Variants in ANKRD55 observed in about 807,000 individuals in gnomAD.
ANKRD55 encodes ankyrin repeat domain 55.
ANKRD55 carries 41 observed loss-of-function variants against 60.6 expected under a neutral mutation model. The observed-to-expected ratio is 0.68, with a 90% CI of 0.53 to 0.88. ANKRD55 has a LOEUF of 0.88. Among genes scored for constraint, ANKRD55 ranks in the 40% least tolerant of loss-of-function variants. The probability of loss-of-function intolerance (pLI) is 0.00; values close to 1 mark genes in which losing one functional copy is unlikely to be tolerated. For synonymous variants in ANKRD55, 264 were observed against 290.3 expected, an observed-to-expected ratio of 0.91 and a Z score of 0.92; for missense variants, 732 against 767.6, an observed-to-expected ratio of 0.95 and a Z score of 0.55.
intron 2 of ANKRD55, among the ~76,000 whole-genome samples, chr5:56,207,039 G>A (rs553496390): frequency 6.6e-6 from 1 of 152,224 alleles, no homozygotes; most frequent in African/African-American, 2.4e-5. Flanking sequence ...TGCTGTGTGA[G>A]TTTGGCTAAC....
intron 5 of ANKRD55, among the ~76,000 whole-genome samples, chr5:56,164,378 T>G (rs141812793): frequency 1.7e-3 from 260 of 152,222 alleles, no homozygotes; most frequent in African/African-American, 6.2e-3. Flanking sequence ...CTGCCTGTAT[T>G]AGAGTGTGCT....
chr5:56,145,888 T>C (rs1757883709), intron 6 of ANKRD55, among the ~76,000 whole-genome samples: 2 of 152,234 alleles, frequency 1.3e-5, no homozygotes, highest in South Asian at 2.1e-4. Context: ...CAATGGAACT[T>C]CTTATTCTTA....
At chr5:56,124,294 T>C (rs977407684) in intron 8 of ANKRD55, among the ~76,000 whole-genome samples, 1 of 152,160 alleles carries the variant, frequency 6.6e-6, no homozygotes, top group Non-Finnish European at 1.5e-5. Flanking sequence ...CATAGACTTA[T>C]GATGTGTTTT....
rs115073475 is a variant in ANKRD55, at chr5:56,138,028, C to T, written c.612+5773G>A. Reference sequence around the variant, plus strand: ...AATCCAGAACACTGACAATACCAAACGCTGGTGAGGATAATGAACAACAGG... The same window carrying T: ...AATCCAGAACACTGACAATACCAAATGCTGGTGAGGATAATGAACAACAGG... On this transcript the variant is annotated intron_variant, in intron 7 of 11. Coordinates refer to ENST00000341048, the MANE Select transcript of ANKRD55 (RefSeq NM_024669.3). Among the ~76,000 whole-genome samples, 19 of 152,102 alleles carry T rather than the reference C, an allele frequency of 1.2e-4. No individual in the cohort carries two copies. In the East Asian group the frequency reaches 2.7e-3, roughly 22 times the overall value.
At chr5:56,143,170 G>A (rs1448283406) in intron 7 of ANKRD55, among the ~76,000 whole-genome samples, 1 of 152,106 alleles carries the variant, frequency 6.6e-6, no homozygotes, top group African/African-American at 2.4e-5. Flanking sequence ...TGCAAAGGAT[G>A]CTCTCCTTGA....
chr5:56,177,095 G>A (rs560758179), intron 3 of ANKRD55, among the ~76,000 whole-genome samples: 8 of 152,304 alleles, frequency 5.3e-5, no homozygotes, highest in Non-Finnish European at 8.8e-5. Context: ...AGAACACCGA[G>A]TTCAGAGTTG....
At chr5:56,207,521 A>G (rs1421537613) in intron 2 of ANKRD55, among the ~76,000 whole-genome samples, 4 of 152,204 alleles carry the variant, frequency 2.6e-5, no homozygotes, top group African/African-American at 9.7e-5. Context: ...ACACAAACCT[A>G]GATGGTATAG....
chr5:56,211,070 C>T (rs1342026250), intron 2 of ANKRD55, among the ~76,000 whole-genome samples: 1 of 152,120 alleles, frequency 6.6e-6, no homozygotes, highest in Non-Finnish European at 1.5e-5. Context: ...CAGCCAAAGG[C>T]CATTTCAGGC....
intron 10 of ANKRD55, among the ~76,000 whole-genome samples, chr5:56,109,667 T>A (rs1756613989): frequency 6.6e-6 from 1 of 152,034 alleles, no homozygotes; most frequent in Non-Finnish European, 1.5e-5. Flanking sequence ...AAAAATAAAT[T>A]CTTTAGTGCG....
At position 56,111,327 on chromosome 5, in the gene ANKRD55, C is replaced by A. The variant is rs778736276; in HGVS notation, c.1421G>T (p.Arg474Leu). 7 of 1,614,120 alleles carry A rather than the reference C, an allele frequency of 4.3e-6. No homozygotes were observed. The highest frequency in any genetic ancestry group is 3.3e-5 in the Admixed American group (2 of 60,020). The change falls in exon 10 of 12, where the codon CGA (arginine) becomes CTA (leucine). Residue 474 changes from arginine to leucine, a missense_variant. Around this residue, in one of 3 missense-constraint regions of ANKRD55, gnomAD observed 597 missense variants for 607.5 expected, o/e 0.98. Transcript: ENST00000341048. ...HHMAQRSQKS[R>L]SEQDLLNNRT... ...GTTATTTAATAAATCCTGCTCACTT[C>A]GACTTTTCTGAGATCGCTGGGCCAT...
At chr5:56,219,820 T>C (rs1759917440) in intron 2 of ANKRD55, among the ~76,000 whole-genome samples, 1 of 152,234 alleles carries the variant, frequency 6.6e-6, no homozygotes, top group African/African-American at 2.4e-5. Context: ...TCATGCTTGT[T>C]TTGTAATAAA....
intron 7 of ANKRD55, among the ~76,000 whole-genome samples, chr5:56,129,554 G>A (rs991770835): frequency 6.6e-5 from 10 of 152,134 alleles, no homozygotes; most frequent in South Asian, 6.2e-4. Context: ...GAAGAAAGTC[G>A]AGTTAATGTG....
chr5:56,100,302 G>T lies in ANKRD55; in HGVS notation c.1726C>A (p.Leu576Ile). ...NLAPLPDQKF[L>I]SGEPLRTNRV... ...TTTGTCCGCAGAGGTTCTCCAGATA[G>T]AACTGGGAAGAAAGAATAGAACAAG... The change falls in exon 12 of 12, where the codon CTA (leucine) becomes ATA (isoleucine). Residue 576 changes from leucine to isoleucine, a missense_variant and splice_region_variant. Leu to Ile is a conservative substitution (Grantham distance 5). Around this residue, in one of 3 missense-constraint regions of ANKRD55, gnomAD observed 597 missense variants for 607.5 expected, o/e 0.98. Coordinates refer to ENST00000341048, the MANE Select transcript of ANKRD55 (RefSeq NM_024669.3). 6.2e-7 allele frequency: 1 copy of T among 1,614,142 alleles called. No individual in the cohort carries two copies. Among genetic ancestry groups the T allele is most frequent in the Non-Finnish European group, 8.5e-7 (1 of 1,180,000 alleles).
At chr5:56,100,821 C>G (rs966298418) in intron 11 of ANKRD55, among the ~76,000 whole-genome samples, 4 of 152,198 alleles carry the variant, frequency 2.6e-5, no homozygotes, top group Admixed American at 2.6e-4. Context: ...CAAAGAAAAC[C>G]TCTCTTCGGC....
At chr5:56,129,593 A>AAAC (rs928741446) in intron 7 of ANKRD55, among the ~76,000 whole-genome samples, 6 of 152,168 alleles carry the variant, frequency 3.9e-5, no homozygotes, top group African/African-American at 7.2e-5. Context: ...CAGATTGATA[A>AAAC]AACAACAACA....
At chr5:56,227,350 AG>A (rs1487770837) in intron 2 of ANKRD55, among the ~76,000 whole-genome samples, 1 of 84,370 alleles carries the variant, frequency 1.2e-5, no homozygotes, top group African/African-American at 4.9e-5. Context: ...GGGTAGGGGG[AG>A]GGGGGAGGGA....
chr5:56,155,204 C>CA (rs1758162354), intron 6 of ANKRD55, among the ~76,000 whole-genome samples: 2 of 139,552 alleles, frequency 1.4e-5, no homozygotes, highest in African/African-American at 2.7e-5. Flanking sequence ...GTCTGAGTGA[C>CA]AGAGTGAGAC....
At chr5:56,211,393 A>T (rs896586126) in intron 2 of ANKRD55, among the ~76,000 whole-genome samples, 2 of 152,032 alleles carry the variant, frequency 1.3e-5, no homozygotes, top group Admixed American at 1.3e-4. Flanking sequence ...CTAGAAATTG[A>T]CTCTTTTGAT....
chr5:56,174,970 C>A (rs1758708152), intron 4 of ANKRD55, among the ~76,000 whole-genome samples: 1 of 152,140 alleles, frequency 6.6e-6, no homozygotes, highest in African/African-American at 2.4e-5. Context: ...GCATTTGACA[C>A]TAATGTGAAT....
Sources: gnomAD v4.1 joint callset for allele counts (sites outside exome capture counted in the v4.1 genomes callset) on GRCh38, gnomAD v4.1.1 for gene constraint, gnomAD v4.1.1 regional missense constraint, MANE v1.5 for transcripts, NCBI Gene and HGNC (gene_info 2026-07-23, HGNC 2026-07-21) for gene names.